The following SYNE1 variants were observed in gnomAD, a reference collection of about 807,000 sequenced individuals.
The protein encoded by SYNE1 is nesprin-1.
SYNE1 carries 616 observed loss-of-function variants against 1,111.0 expected under a neutral mutation model. The observed-to-expected ratio is 0.55, with a 90% CI of 0.52 to 0.59. SYNE1 has a LOEUF of 0.59. SYNE1 is among the 20% of genes least tolerant of loss of function. The probability of loss-of-function intolerance (pLI) is 0.00; values close to 1 mark genes in which losing one functional copy is unlikely to be tolerated. For synonymous variants in SYNE1, 3,855 were observed against 3,825.8 expected (o/e 1.01, Z -0.28); for missense variants, 10,006 against 10,417.0 (o/e 0.96, Z 1.72).
chr6:152,429,996 A>C, intron 36 of SYNE1, 116 bp downstream of exon 36: 1 of 729,674 alleles, frequency 1.4e-6, no homozygotes, highest in East Asian at 2.8e-5. Flanking sequence ...TACTCAACTA[A>C]TATAAACATT....
At chr6:152,565,241 G>A (rs1204669590) in intron 3 of SYNE1, among the ~76,000 whole-genome samples, 3 of 152,096 alleles carry the variant, frequency 2.0e-5, no homozygotes, top group African/African-American at 7.2e-5. Flanking sequence ...GACATTCAAA[G>A]GTATATTTAC....
intron 3 of SYNE1, among the ~76,000 whole-genome samples, chr6:152,557,379 AAAG>A (rs779112313): frequency 2.6e-5 from 4 of 152,114 alleles, no homozygotes; most frequent in Admixed American, 6.5e-5. Flanking sequence ...AGAGATGGAG[AAAG>A]AAGAAGAAAG....
Position 152,352,329 on chromosome 6 carries a change from C to G in SYNE1, c.11278G>C (p.Gly3760Arg). Residue 3760 changes from glycine to arginine, a missense_variant, in exon 70 of 146, where the codon GGT (glycine) becomes CGT (arginine). Transcript: ENST00000367255. ...CGGGCTGATTTCAGCAAACTGTGAC[C>G]TTTCTCCATGTCTTTGAGCAAAACC... ...LEVLLKDMEK[G>R]HSLLKSAREK... is the part of the protein sequence containing the mutation. The G allele has an allele frequency of 1.2e-6, 2 of 1,614,126 alleles. No homozygotes were observed. The highest frequency in any genetic ancestry group is 1.7e-6 in the Non-Finnish European group (2 of 1,180,038).
At chr6:152,280,721 CA>C (rs1366662099) in intron 97 of SYNE1, among the ~76,000 whole-genome samples, 2 of 151,960 alleles carry the variant, frequency 1.3e-5, no homozygotes, top group African/African-American at 4.8e-5. Context: ...CTTCAAGTGC[CA>C]AAAGGCAATG....
intron 101 of SYNE1, among the ~76,000 whole-genome samples, chr6:152,260,646 C>T (rs1441806705): frequency 1.3e-5 from 2 of 150,350 alleles, no homozygotes; most frequent in Non-Finnish European, 2.9e-5. Flanking sequence ...TGACAGGACA[C>T]CTTATGACCT....
At chr6:152,501,643 G>T (rs1246953412) in intron 10 of SYNE1, among the ~76,000 whole-genome samples, 2 of 151,952 alleles carry the variant, frequency 1.3e-5, no homozygotes, top group African/African-American at 4.8e-5. Flanking sequence ...GCTGAGGCAG[G>T]AGAATTGTTT....
intron 35 of SYNE1, 88 bp downstream of exon 35, chr6:152,430,394 A>G: frequency 7.8e-7 from 1 of 1,279,244 alleles, no homozygotes; most frequent in Middle Eastern, 1.8e-4. Context: ...TCTTTCTCTT[A>G]TTCCACTATT....
Position 152,164,339 on chromosome 6 carries a change from A to G in SYNE1, c.23628-14T>C, listed in dbSNP as rs762439658. The G allele has an allele frequency of 6.2e-7, 1 of 1,613,994 alleles. No homozygotes were observed. Among genetic ancestry groups the G allele is most frequent in the Non-Finnish European group, 8.5e-7 (1 of 1,180,024 alleles). ...AGCTTCTTCACCCTGTGGGCAGAGA[A>G]GGGGGAATGTCCCACTTCAGCGAGA... is the stretch of plus-strand genomic sequence containing the variant. On this transcript the variant is annotated splice_polypyrimidine_tract_variant and intron_variant, in intron 130 of 145. Coordinates refer to ENST00000367255, the MANE Select transcript of SYNE1 (RefSeq NM_182961.4).
chr6:152,438,031 A>C (rs867095030), intron 32 of SYNE1, among the ~76,000 whole-genome samples: 9 of 152,196 alleles, frequency 5.9e-5, no homozygotes, highest in Admixed American at 2.6e-4. Flanking sequence ...AAGAAGAAAA[A>C]ATCAATGTTA....
intron 37 of SYNE1, 150 bp downstream of exon 37, chr6:152,428,055 G>T: frequency 8.4e-7 from 1 of 1,189,538 alleles, no homozygotes; most frequent in Non-Finnish European, 1.2e-6. Flanking sequence ...AGGAATCTTT[G>T]CCTTATAACA....
At chr6:152,122,848 G>A (rs1488496543) in intron 145 of SYNE1, among the ~76,000 whole-genome samples, 172 bp from the exon 146 acceptor site, 1 of 152,106 alleles carries the variant, frequency 6.6e-6, no homozygotes, top group Non-Finnish European at 1.5e-5. Flanking sequence ...CATCAAATGA[G>A]GTTGTTGGAA....
intron 100 of SYNE1, 41 bp downstream of exon 100, chr6:152,268,015 G>A (rs1554303377): frequency 1.1e-5 from 17 of 1,518,198 alleles, no homozygotes; most frequent in Non-Finnish European, 1.6e-5. Context: ...AAATGTCAGG[G>A]AAACACAATG....
At chr6:152,425,856 AAGTT>A (rs1349686129) in intron 38 of SYNE1, among the ~76,000 whole-genome samples, 1 of 152,216 alleles carries the variant, frequency 6.6e-6, no homozygotes, top group African/African-American at 2.4e-5. Context: ...TCTGAGTTCT[AAGTT>A]AGGCAAATCT....
chr6:152,564,843 G>A (rs917787501), intron 3 of SYNE1, among the ~76,000 whole-genome samples: 2 of 152,098 alleles, frequency 1.3e-5, no homozygotes, highest in African/African-American at 4.8e-5. Context: ...AGGTGACTTA[G>A]CCACTTTATA....
At chr6:152,351,572 G>A (rs767692494) in intron 70 of SYNE1, among the ~76,000 whole-genome samples, 46 of 152,148 alleles carry the variant, frequency 3.0e-4, no homozygotes, top group East Asian at 5.8e-4. Flanking sequence ...AACTTAGCTC[G>A]AGTTTGTTAA....
intron 27 of SYNE1, among the ~76,000 whole-genome samples, chr6:152,450,300 G>C (rs1346319179): frequency 6.6e-6 from 1 of 152,176 alleles, no homozygotes; most frequent in African/African-American, 2.4e-5. Flanking sequence ...GCTGATCTGT[G>C]AGTCAATTAA....
At chr6:152,201,360 T>C (rs2075383460) in intron 127 of SYNE1, among the ~76,000 whole-genome samples, 2 of 152,190 alleles carry the variant, frequency 1.3e-5, no homozygotes, top group African/African-American at 4.8e-5. Context: ...ATTGTGTGTC[T>C]CTATGCAGTC....
intron 109 of SYNE1, 51 bp downstream of exon 109, chr6:152,236,766 T>C (rs757263413): frequency 3.1e-6 from 5 of 1,610,228 alleles, no homozygotes; most frequent in Non-Finnish European, 4.2e-6. Context: ...TACATTCTGT[T>C]AAAACTATTG....
chr6:152,239,651 T>C lies in SYNE1; in HGVS notation c.19949A>G (p.Lys6650Arg). 3 of 1,614,242 alleles carry C rather than the reference T, an allele frequency of 1.9e-6. No homozygotes were observed. The highest frequency in any genetic ancestry group is 2.5e-6 in the Non-Finnish European group (3 of 1,180,044). The change falls in exon 108 of 146, where the codon AAG becomes AGG. Residue 6650 changes from lysine (K) to arginine (R), a missense_variant. Physicochemically the swap from Lys to Arg is conservative, Grantham distance 26 (BLOSUM62 2). Around this residue, in one of 7 missense-constraint regions of SYNE1, gnomAD observed 2,182 missense variants for 2,287.8 expected, o/e 0.95. Coordinates refer to ENST00000367255, the MANE Select transcript of SYNE1 (RefSeq NM_182961.4). ...CTTTTGGACTGCAAAGCTGATTATC[T>C]TTCTGAAGAGTGTTTCAGTCAAGAT... Reference protein sequence around the residue: ...HMILTETLFRKIISFAVQKET... With the variant: ...HMILTETLFRRIISFAVQKET...
Sources: gnomAD v4.1 joint callset for allele counts (sites outside exome capture counted in the v4.1 genomes callset) on GRCh38, gnomAD v4.1.1 for gene constraint, gnomAD v4.1.1 regional missense constraint, MANE v1.5 for transcripts, NCBI Gene and HGNC (gene_info 2026-07-23, HGNC 2026-07-21) for gene names.